The following CNTNAP4 variants were observed in gnomAD, a reference collection of about 807,000 sequenced individuals.
CNTNAP4 encodes contactin associated protein family member 4.
CNTNAP4 carries 98 observed loss-of-function variants against 148.4 expected under a neutral mutation model. That is an observed-to-expected ratio of 0.66 (90% CI 0.56 to 0.78). CNTNAP4 has a LOEUF of 0.78. Among genes scored for constraint, CNTNAP4 ranks in the 30% least tolerant of loss-of-function variants. The pLI is 0.00. For synonymous variants in CNTNAP4, 730 were observed against 565.1 expected (o/e 1.29, Z -4.14); for missense variants, 1,935 against 1,565.6 (o/e 1.24, Z -3.98).
At chr16:76,495,329 A>T in intron 14 of CNTNAP4, 1 of 224,118 alleles carries the variant, frequency 4.5e-6, no homozygotes, top group South Asian at 1.2e-4. Flanking sequence ...ATGGGGAATT[A>T]ATTATTATTC....
At chr16:76,305,327 T>A (rs1364865247) in intron 1 of CNTNAP4, among the ~76,000 whole-genome samples, 5 of 152,206 alleles carry the variant, frequency 3.3e-5, no homozygotes, top group Non-Finnish European at 5.9e-5. Flanking sequence ...TTTATTGTCT[T>A]TTTTGTTTTG....
At chr16:76,333,368 G>C (rs777137288) in intron 2 of CNTNAP4, among the ~76,000 whole-genome samples, 14 of 152,130 alleles carry the variant, frequency 9.2e-5, no homozygotes, top group Admixed American at 9.2e-4. Context: ...CAAATCTGCT[G>C]TTGAAGTCCT....
At chr16:76,387,056 A>G (rs1187852928) in intron 3 of CNTNAP4, among the ~76,000 whole-genome samples, 1 of 152,198 alleles carries the variant, frequency 6.6e-6, no homozygotes, top group Non-Finnish European at 1.5e-5. Flanking sequence ...CCTCCAAAAA[A>G]AGCATGCATC....
intron 4 of CNTNAP4, among the ~76,000 whole-genome samples, chr16:76,440,768 C>A (rs939115402): frequency 6.6e-6 from 1 of 152,126 alleles, no homozygotes; most frequent in African/African-American, 2.4e-5. Context: ...GGATTCTTTT[C>A]CATTGGTTCC....
intron 3 of CNTNAP4, among the ~76,000 whole-genome samples, chr16:76,355,805 A>T (rs201135732): frequency 0.13 from 19,826 of 151,544 alleles, 2,002 homozygotes; most frequent in East Asian, 0.47. Flanking sequence ...GTATAAAAAA[A>T]GTTTTGTTCA....
chr16:76,525,701 T>C (rs2083698188), intron 17 of CNTNAP4, among the ~76,000 whole-genome samples: 1 of 144,468 alleles, frequency 6.9e-6, no homozygotes, highest in South Asian at 2.1e-4. Context: ...TAAACTAATA[T>C]ATATAAACTA....
chr16:76,366,788 A>G (rs887646469), intron 3 of CNTNAP4, among the ~76,000 whole-genome samples: 2 of 152,224 alleles, frequency 1.3e-5, no homozygotes, highest in African/African-American at 4.8e-5. Context: ...CAAGGAAAAA[A>G]ATGTAATAGA....
At chr16:76,294,707 C>T (rs917299678) in intron 1 of CNTNAP4, among the ~76,000 whole-genome samples, 1 of 152,130 alleles carries the variant, frequency 6.6e-6, no homozygotes, top group African/African-American at 2.4e-5. Context: ...ATTTCTGCAA[C>T]TTCTTGGGGT....
intron 1 of CNTNAP4, among the ~76,000 whole-genome samples, chr16:76,308,336 A>C (rs1173558922): frequency 6.6e-6 from 1 of 152,234 alleles, no homozygotes; most frequent in Non-Finnish European, 1.5e-5. Context: ...AGAGGATGAG[A>C]GACGATGCCA....
intron 3 of CNTNAP4, among the ~76,000 whole-genome samples, chr16:76,414,364 G>T (rs143310857): frequency 6.6e-6 from 1 of 151,340 alleles, no homozygotes; most frequent in African/African-American, 2.4e-5. Flanking sequence ...TGCATTCCTG[G>T]AATTAACTCG....
At chr16:76,314,920 GT>G (rs968343147) in intron 1 of CNTNAP4, among the ~76,000 whole-genome samples, 23 of 152,010 alleles carry the variant, frequency 1.5e-4, no homozygotes, top group Non-Finnish European at 2.8e-4. Flanking sequence ...TGTAAAAGTA[GT>G]TTTTTAAACT....
chr16:76,525,846 A>T (rs1000742709), intron 17 of CNTNAP4, among the ~76,000 whole-genome samples: 21 of 148,060 alleles, frequency 1.4e-4, no homozygotes, highest in Non-Finnish European at 1.5e-5. Flanking sequence ...ACTATATATA[A>T]TTACATATAT....
chr16:76,482,935 T>C (rs2081889472), intron 12 of CNTNAP4, among the ~76,000 whole-genome samples: 1 of 152,178 alleles, frequency 6.6e-6, no homozygotes, highest in Non-Finnish European at 1.5e-5. Context: ...GCAACTCTGG[T>C]ATGCGAGAAT....
Position 76,449,781 on chromosome 16 carries a change from T to C in CNTNAP4, c.994T>C (p.Cys332Arg). Residue 332 changes from cysteine (C) to arginine (R), a missense_variant, in exon 7 of 24, where the codon TGT (cysteine) becomes CGT (arginine). Cys to Arg is a radical substitution (Grantham distance 180, BLOSUM62 -3). Transcript: ENST00000611870. ...VSFPHRNFHG[C>R]LENLYYNGVD... ...ATTCCCACATAGAAATTTTCATGGATGTTTAGAAAATCTCTATTATAATGG... is the reference window on the plus strand; with the variant it reads ...ATTCCCACATAGAAATTTTCATGGACGTTTAGAAAATCTCTATTATAATGG... 1 of 1,599,708 alleles carries C rather than the reference T, an allele frequency of 6.3e-7. No individual in the cohort carries two copies. Among genetic ancestry groups the C allele is most frequent in the East Asian group, 2.2e-5 (1 of 44,520 alleles).
intron 3 of CNTNAP4, among the ~76,000 whole-genome samples, chr16:76,424,510 T>C (rs985983097): frequency 1.3e-5 from 2 of 152,116 alleles, no homozygotes; most frequent in African/African-American, 4.8e-5. Flanking sequence ...TCCTAACACC[T>C]TGAGAGGCCG....
At chr16:76,340,158 C>G (rs1652392636) in intron 2 of CNTNAP4, among the ~76,000 whole-genome samples, 2 of 151,898 alleles carry the variant, frequency 1.3e-5, no homozygotes, top group South Asian at 4.2e-4. Flanking sequence ...CTGCTTTTAC[C>G]AAAACAACTC....
At chr16:76,388,484 GATATGGATTTC>G (rs1375537800) in intron 3 of CNTNAP4, among the ~76,000 whole-genome samples, 4 of 152,204 alleles carry the variant, frequency 2.6e-5, no homozygotes, top group Non-Finnish European at 5.9e-5. Context: ...AGGAAACATT[GATATGGATTTC>G]TAGTGTTTTC....
intron 13 of CNTNAP4, 22 bp from the exon 14 acceptor site, chr16:76,494,888 A>G: frequency 6.2e-7 from 1 of 1,609,384 alleles, no homozygotes; most frequent in Admixed American, 1.7e-5. Flanking sequence ...CAGATGTCAC[A>G]TTTTTCACGT....
At chr16:76,501,712 CTG>C (rs1420263149) in intron 15 of CNTNAP4, among the ~76,000 whole-genome samples, 1 of 152,022 alleles carries the variant, frequency 6.6e-6, no homozygotes, top group Non-Finnish European at 1.5e-5. Flanking sequence ...AGTACTGAGG[CTG>C]AGAAACTAGA....
Sources: allele counts gnomAD v4.1 joint callset (sites outside exome capture counted in the v4.1 genomes callset), GRCh38; gene constraint gnomAD v4.1.1; transcripts MANE v1.5; gene names NCBI Gene and HGNC (gene_info 2026-07-23, HGNC 2026-07-21).